VSTM1: variants seen among roughly 807,000 people sequenced by gnomAD.
VSTM1 encodes the protein V-set and transmembrane domain-containing protein 1.
Under a neutral mutation model 33.1 loss-of-function variants are expected in VSTM1, and 27 were observed. The observed-to-expected ratio is 0.82, with a 90% CI of 0.60 to 1.12. The LOEUF (loss-of-function observed/expected upper bound fraction) is 1.12, where lower values mean the gene tolerates loss of function less well. VSTM1 is among the 50% of genes most tolerant of loss of function. The pLI is 0.00. For missense variants in VSTM1, 304 were observed against 288.9 expected (o/e 1.05, Z -0.38); for synonymous variants, 115 against 110.3 (o/e 1.04, Z -0.27).
intron 1 of VSTM1, among the ~76,000 whole-genome samples, chr19:54,059,857 TTA>T (rs1329529748): frequency 6.7e-5 from 10 of 149,060 alleles, no homozygotes; most frequent in South Asian, 4.2e-4. Context: ...TTTTTTTTTT[TTA>T]TTTTTCGAGA....
chr19:54,042,108 A>G, intron 6 of VSTM1, 61 bp downstream of exon 6: 2 of 1,602,574 alleles, frequency 1.2e-6, no homozygotes, highest in Non-Finnish European at 1.7e-6. Context: ...CGGATGTGCC[A>G]ATGGGTTCCC....
At chr19:54,055,370 G>A (rs2071040212) in intron 3 of VSTM1, 1 of 142,546 alleles carries the variant, frequency 7.0e-6, no homozygotes, top group South Asian at 2.3e-4. Context: ...TGAGCAAAAA[G>A]AAGTTAGTAA....
In VSTM1 at chr19:54,043,215, A is replaced by C. The variant is rs1175729961; in HGVS notation, c.395-846T>G. Among the ~76,000 whole-genome samples the C allele has an allele frequency of 2.0e-5, 3 of 152,108 alleles. No homozygotes were observed. In the East Asian group the frequency reaches 5.8e-4, roughly 30 times the overall value. ...CCTCATCCAATCAGTTGAAGACTTT[A>C]AGACTTTAAGAGAAAAGACTGAGGT... is the stretch of plus-strand genomic sequence containing the variant. On this transcript the variant is annotated intron_variant, in intron 4 of 8. Coordinates refer to ENST00000338372, the MANE Select transcript of VSTM1 (RefSeq NM_198481.4).
Position 54,058,372 on chromosome 19 carries a change from C to G in VSTM1, c.289G>C (p.Ala97Pro), listed in dbSNP as rs1178137090. 1 of 1,614,136 alleles carries G rather than the reference C, an allele frequency of 6.2e-7. No individual in the cohort carries two copies. Among genetic ancestry groups the G allele is most frequent in the South Asian group, 1.1e-5 (1 of 91,082 alleles). The change falls in exon 3 of 9, where the codon GCC (alanine) becomes CCC (proline). Residue 97 changes from alanine to proline, a missense_variant. Coordinates refer to ENST00000338372, the MANE Select transcript of VSTM1 (RefSeq NM_198481.4). ...TCATGGGAGGCTGTTGTCTTGTAGG[C>G]ACAAAAGTACCTCCCAGCATCCTTA... is the stretch of plus-strand genomic sequence containing the variant. The part of the protein sequence containing the change: ...KPKDAGRYFC[A>P]YKTTASHEWS...
rs748095214 is a variant in VSTM1, at chr19:54,052,260, T to TGGTG, written c.356-816_356-813dup. On this transcript the variant is annotated intron_variant, in intron 3 of 8. Coordinates refer to ENST00000338372, the MANE Select transcript of VSTM1 (RefSeq NM_198481.4). Reference sequence around the variant, plus strand: ...AAAAATACAAAAAGTTAGCCGAGCGTGGTGGCGGGCCCCTGTAGTCCCAGC... The same window carrying TGGTG: ...AAAAATACAAAAAGTTAGCCGAGCGTGGTGGGTGGCGGGCCCCTGTAGTCCCAGC... Among the ~76,000 whole-genome samples the TGGTG allele has an allele frequency of 1.5e-4, 23 of 149,626 alleles. 4 individuals carry two copies. The highest frequency in any genetic ancestry group is 3.3e-4 in the Non-Finnish European group (22 of 67,434).
At chr19:54,045,621 T>C (rs1600116293) in intron 4 of VSTM1, among the ~76,000 whole-genome samples, 1 of 43,510 alleles carries the variant, frequency 2.3e-5, no homozygotes, top group East Asian at 2.3e-4. Flanking sequence ...TTATCTATCA[T>C]CTATCATCTA....
At chr19:54,052,305 G>A (rs2070888082) in intron 3 of VSTM1, among the ~76,000 whole-genome samples, 1 of 145,334 alleles carries the variant, frequency 6.9e-6, no homozygotes, top group African/African-American at 2.5e-5. Flanking sequence ...GGCTGAGGCA[G>A]GAGAATGGCG....
intron 3 of VSTM1, among the ~76,000 whole-genome samples, chr19:54,051,698 C>A (rs1353889738): frequency 6.6e-6 from 1 of 152,126 alleles, no homozygotes; most frequent in Non-Finnish European, 1.5e-5. Flanking sequence ...CCTGCTAACG[C>A]CCCCTCCAGT....
At chr19:54,049,991 A>ATTT (rs11297678) in intron 4 of VSTM1, among the ~76,000 whole-genome samples, 5,201 of 98,944 alleles carry the variant, frequency 0.053, 113 homozygotes, top group Admixed American at 0.065. Context: ...TAACTTTTTA[A>ATTT]TTTTTTTTTT....
At chr19:54,053,503 C>T (rs2070950676) in intron 3 of VSTM1, among the ~76,000 whole-genome samples, 1 of 142,664 alleles carries the variant, frequency 7.0e-6, no homozygotes. Context: ...CTCTCTCAAT[C>T]TCTCTTCTTG....
At position 54,053,196 on chromosome 19, in the gene VSTM1, G is replaced by T. The variant is rs1046734225; in HGVS notation, c.356-1748C>A. 2.8e-5 allele frequency among the ~76,000 whole-genome samples: 4 copies of T among 140,810 alleles called. 1 individual carries two copies. The highest frequency in any genetic ancestry group is 1.1e-4 in the African/African-American group (4 of 38,062). 92.4% of individuals were successfully genotyped at this position (140,810 alleles called of 152,430 possible). A position where few individuals can be genotyped will look rare whatever the true frequency, so the allele number is the denominator to read the frequency against. On this transcript the variant is annotated intron_variant, in intron 3 of 8. Coordinates refer to ENST00000338372, the MANE Select transcript of VSTM1 (RefSeq NM_198481.4). ...ATTCCAGGAACACTCACACTTCTGA[G>T]ACTTTGCTTTTGCTGCTCTCTCTCC...
chr19:54,044,130 C>A lies in VSTM1; in HGVS notation c.395-1761G>T, dbSNP rs537319517. Among the ~76,000 whole-genome samples, 3 of 152,120 alleles carry A rather than the reference C, an allele frequency of 2.0e-5. No individual in the cohort carries two copies. The South Asian group carries it at 6.2e-4, about 32-fold the overall frequency. On this transcript the variant is annotated intron_variant, in intron 4 of 8. Transcript: ENST00000338372. ...AGGTAATGAACAGCAGTGACACGGG[C>A]ATGGAAGGCGTTTAGAGTGGGGAGG...
At chr19:54,051,532 C>T in intron 3 of VSTM1, 84 bp from the exon 4 acceptor site, 1 of 1,069,316 alleles carries the variant, frequency 9.4e-7, no homozygotes, top group Non-Finnish European at 1.4e-6. Context: ...TACTTATAGA[C>T]ATCCTGTTCT....
Position 54,063,876 on chromosome 19 carries a change from TC to T in VSTM1, c.-100del. 3 of 1,363,958 alleles carry T rather than the reference TC, an allele frequency of 2.2e-6. No individual in the cohort carries two copies. The highest frequency in any genetic ancestry group is 3.0e-6 in the Non-Finnish European group (3 of 991,926). 84.5% of individuals were successfully genotyped at this position (1,363,958 alleles called of 1,614,324 possible). ...CGCAGCTCTCCGGCTGCCCGGTTCG[TC>T]CCCAGGATGTGCAGATAGAGGAGGT... On this transcript the variant is annotated 5_prime_UTR_variant, in exon 1 of 9. Transcript: ENST00000338372.
At chr19:54,062,940 T>A (rs1454772837) in intron 1 of VSTM1, among the ~76,000 whole-genome samples, 3 of 152,114 alleles carry the variant, frequency 2.0e-5, no homozygotes, top group Non-Finnish European at 4.4e-5. Flanking sequence ...AAAGCCGAGA[T>A]TATAACCCAG....
chr19:54,054,987 G>A lies in VSTM1; in HGVS notation c.355+3319C>T, dbSNP rs145849934. ...TAGATGGGTGGGTGGGTTGATAGAT[G>A]GGTGGGTAGATTGATAGATGGATGG... On this transcript the variant is annotated intron_variant, in intron 3 of 8. Transcript: ENST00000338372. 6.8e-3 allele frequency among the ~76,000 whole-genome samples: 953 copies of A among 139,798 alleles called. 113 individuals are homozygous for A. The highest frequency in any genetic ancestry group is 0.024 in the African/African-American group (892 of 37,732). 91.7% of individuals were successfully genotyped at this position (139,798 alleles called of 152,430 possible).
At chr19:54,049,477 A>G (rs1343779365) in intron 4 of VSTM1, among the ~76,000 whole-genome samples, 4 of 152,176 alleles carry the variant, frequency 2.6e-5, no homozygotes, top group Non-Finnish European at 5.9e-5. Context: ...TGAATTGGAC[A>G]CTTTACAAGG....
rs376235740 is a variant in VSTM1 at position 54,063,757 on chromosome 19, G to A, written c.21C>T (p.Ser7=). The change falls in exon 1 of 9, where the codon TCC becomes TCT. Residue 7 remains serine (S), a synonymous_variant. Coordinates refer to ENST00000338372, the MANE Select transcript of VSTM1 (RefSeq NM_198481.4). MTAEFL[S]LLCLGLCLGY... is the part of the protein sequence containing the mutation. The stretch of plus-strand genomic sequence containing the variant: ...CTGGAGACTCACCGAGGCAAAGCAG[G>A]GAGAGGAATTCTGCGGTCATAGCGT... 7 of 1,613,760 alleles carry A rather than the reference G, an allele frequency of 4.3e-6. No individual in the cohort carries two copies. The African/African-American group carries it at 8.0e-5, about 18-fold the overall frequency.
At position 54,054,465 on chromosome 19, in the gene VSTM1, G is replaced by GC. The variant is rs2070988324; in HGVS notation, c.356-3018dup. Among the ~76,000 whole-genome samples, 2 of 142,536 alleles carry GC rather than the reference G, an allele frequency of 1.4e-5. 1 individual carries two copies. The highest frequency in any genetic ancestry group is 4.6e-4 in the South Asian group (2 of 4,350). The allele number at this position is 142,536 out of a possible 152,430, so 93.5% of individuals were successfully genotyped here. On this transcript the variant is annotated intron_variant, in intron 3 of 8. Coordinates refer to ENST00000338372, the MANE Select transcript of VSTM1 (RefSeq NM_198481.4). Reference sequence around the variant, plus strand: ...CATTAAGTATTCAGTTACTCATCATGCCCCAAGCCCAGGCTAAGTCATTGG... The same window carrying GC: ...CATTAAGTATTCAGTTACTCATCATGCCCCCAAGCCCAGGCTAAGTCATTGG...
Sources: allele counts gnomAD v4.1 joint callset (sites outside exome capture counted in the v4.1 genomes callset), GRCh38; gene constraint gnomAD v4.1.1; transcripts MANE v1.5; gene names NCBI Gene and HGNC (gene_info 2026-07-23, HGNC 2026-07-21).